Variants in ZPBP2 observed in about 807,000 individuals in gnomAD.
The protein encoded by ZPBP2 is zona pellucida binding protein 2.
Under a neutral mutation model 37.5 loss-of-function variants are expected in ZPBP2, and 34 were observed. The ratio of observed to expected loss-of-function variants is 0.91; its 90% CI spans 0.69 to 1.21. The LOEUF is 1.21. ZPBP2 is among the 50% of genes most tolerant of loss of function. ZPBP2 has a pLI of 0.00. For synonymous variants in ZPBP2, 143 were observed against 138.4 expected, an observed-to-expected ratio of 1.03 and a Z score of -0.23; for missense variants, 397 against 413.5, an observed-to-expected ratio of 0.96 and a Z score of 0.35.
At chr17:39,873,263 C>T in intron 6 of ZPBP2, 137 bp downstream of exon 6, 2 of 581,444 alleles carry the variant, frequency 3.4e-6, no homozygotes, top group Non-Finnish European at 5.6e-6. Flanking sequence ...ATCTTCCTCC[C>T]TCAGCCAAGG....
Position 39,875,235 on chromosome 17 carries a change from T to C in ZPBP2, c.709-19T>C, listed in dbSNP as rs1201884559. On this transcript the variant is annotated intron_variant, in intron 6 of 7. Transcript: ENST00000348931. ...ATGGTTTAGTAATTGTACCTTTCTC[T>C]GGTATTTTTCAACCTTAGGCAAGAG... is the stretch of plus-strand genomic sequence containing the variant. The C allele has an allele frequency of 1.2e-6, 2 of 1,602,008 alleles. No individual in the cohort carries two copies. Among genetic ancestry groups the C allele is most frequent in the Admixed American group, 1.7e-5 (1 of 57,656 alleles).
At chr17:39,875,565 TA>T (rs2144646487) in intron 7 of ZPBP2, 131 bp downstream of exon 7, 1 of 721,298 alleles carries the variant, frequency 1.4e-6, no homozygotes, top group Admixed American at 4.1e-5. Context: ...TATATTTAGC[TA>T]AAAGGAAGTA....
intron 7 of ZPBP2, among the ~76,000 whole-genome samples, chr17:39,875,824 C>T (rs973594210): frequency 2.0e-5 from 3 of 149,826 alleles, no homozygotes; most frequent in Non-Finnish European, 4.4e-5. Context: ...TCAAAGGATC[C>T]GTCTGCCTTG....
chr17:39,876,748 T>C lies in ZPBP2; in HGVS notation c.956T>C (p.Leu319Pro). ...NVTCQTCVSV[L>P]TYGAKSCPQT... ...ACTTGTCAGACCTGCGTTTCCGTCCTTACCTATGGAGCTAAATCTTGCCCA... is the reference window on the plus strand; with the variant it reads ...ACTTGTCAGACCTGCGTTTCCGTCCCTACCTATGGAGCTAAATCTTGCCCA... Residue 319 changes from leucine (L) to proline (P), a missense_variant, in exon 8 of 8, where the codon CTT becomes CCT. Transcript: ENST00000348931. The C allele has an allele frequency of 6.2e-7, 1 of 1,613,982 alleles. No individual in the cohort carries two copies. Among genetic ancestry groups the C allele is most frequent in the Non-Finnish European group, 8.5e-7 (1 of 1,179,934 alleles).
At position 39,876,786 on chromosome 17, in the gene ZPBP2, A is replaced by G; in HGVS notation, c.994A>G (p.Lys332Glu). 1 of 1,613,880 alleles carries G rather than the reference A, an allele frequency of 6.2e-7. No individual in the cohort carries two copies. Among genetic ancestry groups the G allele is most frequent in the Non-Finnish European group, 8.5e-7 (1 of 1,179,830 alleles). Residue 332 changes from lysine to glutamate, a missense_variant, in exon 8 of 8, where the codon AAA becomes GAA. By Grantham distance (56) the Lys-to-Glu change is moderately conservative (BLOSUM62 1). Transcript: ENST00000348931. ...GAKSCPQTSNKNQQYED is the reference protein window; with the variant it reads ...GAKSCPQTSNENQQYED ...TAAATCTTGCCCACAAACTTCAAAC[A>G]AAAATCAGCAATATGAAGATTAGAG...
chr17:39,869,084 C>T (rs1311749959), intron 2 of ZPBP2, among the ~76,000 whole-genome samples: 1 of 152,132 alleles, frequency 6.6e-6, no homozygotes, highest in Non-Finnish European at 1.5e-5. Context: ...TAAATTGAGC[C>T]AGTTGATAGA....
rs751687343 is a variant in ZPBP2, at chr17:39,871,466, A to G, written c.247A>G (p.Asn83Asp). Residue 83 changes from asparagine to aspartate, a missense_variant and splice_region_variant, in exon 4 of 8, where the codon AAT becomes GAT. By Grantham distance (23) the Asn-to-Asp change is conservative. Transcript: ENST00000348931. Reference sequence around the variant, plus strand: ...AAGTAATTTACTATTCTGTTTAGGAAATAATAGAATAAATATAACTGAAAC... The same window carrying G: ...AAGTAATTTACTATTCTGTTTAGGAGATAATAGAATAAATATAACTGAAAC... Reference protein sequence around the residue: ...IGPNEKTLTGNNRINITETGQ... With the variant: ...IGPNEKTLTGDNRINITETGQ... The G allele has an allele frequency of 1.3e-5, 21 of 1,571,946 alleles. No homozygotes were observed. Among genetic ancestry groups the G allele is most frequent in the Middle Eastern group, 1.9e-4 (1 of 5,404 alleles).
intron 7 of ZPBP2, among the ~76,000 whole-genome samples, chr17:39,876,188 G>A (rs1007486405): frequency 1.3e-5 from 2 of 152,016 alleles, no homozygotes; most frequent in Non-Finnish European, 1.5e-5. Context: ...CAAAGTGCTG[G>A]GATTACAGGC....
intron 6 of ZPBP2, among the ~76,000 whole-genome samples, chr17:39,873,771 C>T (rs1271542489): frequency 6.6e-6 from 1 of 152,038 alleles, no homozygotes; most frequent in Non-Finnish European, 1.5e-5. Context: ...ATTGGTCATA[C>T]TAGTTGCTCT....
chr17:39,870,785 C>G lies in ZPBP2; in HGVS notation c.210C>G (p.Tyr70Ter), dbSNP rs377739058. The change falls in exon 3 of 8, where the codon TAC (tyrosine) becomes TAG (stop). Residue 70 changes from tyrosine (Y) to a stop codon, truncating the protein, a stop_gained. Coordinates refer to ENST00000348931, the MANE Select transcript of ZPBP2 (RefSeq NM_199321.3). LOFTEE classifies it high-confidence loss of function. ...LSKKEIVDPTYLWIGPNEKTL... is the reference protein window; with the variant it reads ...LSKKEIVDPT ...AAAAAGAAATAGTGGACCCCACCTA[C>G]TTATGGATTGGGCCTAATGAAAAGA... The G allele has an allele frequency of 3.2e-6, 5 of 1,565,488 alleles. No individual in the cohort carries two copies. The highest frequency in any genetic ancestry group is 4.4e-6 in the Non-Finnish European group (5 of 1,148,984).
rs558196025 is a variant in ZPBP2 at position 39,871,453 on chromosome 17, A to G, written c.245-11A>G. On this transcript the variant is annotated splice_polypyrimidine_tract_variant and intron_variant, in intron 3 of 7. Coordinates refer to ENST00000348931, the MANE Select transcript of ZPBP2 (RefSeq NM_199321.3). Reference sequence around the variant, plus strand: ...TTATATGTTAAATAAGTAATTTACTATTCTGTTTAGGAAATAATAGAATAA... The same window carrying G: ...TTATATGTTAAATAAGTAATTTACTGTTCTGTTTAGGAAATAATAGAATAA... 7 of 1,540,256 alleles carry G rather than the reference A, an allele frequency of 4.5e-6. No individual in the cohort carries two copies. Among genetic ancestry groups the G allele is most frequent in the East Asian group, 2.3e-5 (1 of 43,776 alleles).
At chr17:39,872,763 A>G (rs931111978) in intron 5 of ZPBP2, among the ~76,000 whole-genome samples, 1 of 152,218 alleles carries the variant, frequency 6.6e-6, no homozygotes, top group Non-Finnish European at 1.5e-5. Flanking sequence ...TTCTTACAGA[A>G]TTTTAAATTG....
intron 2 of ZPBP2, among the ~76,000 whole-genome samples, chr17:39,870,309 C>T (rs1266957428): frequency 3.3e-5 from 5 of 152,164 alleles, no homozygotes; most frequent in African/African-American, 9.7e-5. Flanking sequence ...TTCCAAAATG[C>T]TGGGATTACA....
intron 1 of ZPBP2, 28 bp from the exon 2 acceptor site, chr17:39,868,521 A>G (rs1228062282): frequency 2.0e-5 from 33 of 1,613,892 alleles, no homozygotes; most frequent in Non-Finnish European, 2.6e-5. Flanking sequence ...TCTTCTAACT[A>G]AAAGTCAGTG....
intron 6 of ZPBP2, among the ~76,000 whole-genome samples, chr17:39,874,626 T>A (rs1307763590): frequency 6.6e-6 from 1 of 151,864 alleles, no homozygotes. Flanking sequence ...AGAGACGAGG[T>A]TTCACCATGT....
At position 39,873,034 on chromosome 17, in the gene ZPBP2, T is replaced by C. The variant is rs758907163; in HGVS notation, c.626-10T>C. ...TCCCTTTGTGAGTCTATCATTTTTTTTCTCTTCAGTTAATCCTTTTGCGCC... is the reference window on the plus strand; with the variant it reads ...TCCCTTTGTGAGTCTATCATTTTTTCTCTCTTCAGTTAATCCTTTTGCGCC... On this transcript the variant is annotated splice_polypyrimidine_tract_variant and intron_variant, in intron 5 of 7. Coordinates refer to ENST00000348931, the MANE Select transcript of ZPBP2 (RefSeq NM_199321.3). 8.1e-6 allele frequency: 13 copies of C among 1,610,286 alleles called. No homozygotes were observed. The South Asian group carries it at 1.3e-4, about 16-fold the overall frequency.
rs2063383985 is a variant in ZPBP2 at position 39,875,273 on chromosome 17, A to T, written c.728A>T (p.Asp243Val). 6.2e-7 allele frequency: 1 copy of T among 1,611,022 alleles called. No homozygotes were observed. Among genetic ancestry groups the T allele is most frequent in the African/African-American group, 1.3e-5 (1 of 74,672 alleles). ...NILQARDRIE[D>V]FFRSQAYIFY... Reference sequence around the variant, plus strand: ...CCTTAGGCAAGAGATCGAATAGAAGACTTTTTTCGGAGCCAAGCATATATT... The same window carrying T: ...CCTTAGGCAAGAGATCGAATAGAAGTCTTTTTTCGGAGCCAAGCATATATT... Residue 243 changes from aspartate (D) to valine (V), a missense_variant, in exon 7 of 8, where the codon GAC becomes GTC. Physicochemically the swap from Asp to Val is radical, Grantham distance 152. Coordinates refer to ENST00000348931, the MANE Select transcript of ZPBP2 (RefSeq NM_199321.3).
rs2144646296 is a variant in ZPBP2 at position 39,875,434 on chromosome 17, G to A, written c.889G>A (p.Val297Met). 1 of 1,585,678 alleles carries A rather than the reference G, an allele frequency of 6.3e-7. No individual in the cohort carries two copies. Among genetic ancestry groups the A allele is most frequent in the East Asian group, 2.2e-5 (1 of 44,604 alleles). Residue 297 changes from valine to methionine, a missense_variant and splice_region_variant, in exon 7 of 8, where the codon GTG becomes ATG. Val to Met is a conservative substitution (Grantham distance 21). Coordinates refer to ENST00000348931, the MANE Select transcript of ZPBP2 (RefSeq NM_199321.3). ...RLHSNCASCC[V>M]VCSPATFSPD... ...ACACAGTAATTGCGCTAGCTGTTGTGGTAACTATAAAATATAAATATCTAA... is the reference window on the plus strand; with the variant it reads ...ACACAGTAATTGCGCTAGCTGTTGTAGTAACTATAAAATATAAATATCTAA...
chr17:39,874,363 C>T (rs533500320), intron 6 of ZPBP2, among the ~76,000 whole-genome samples: 108 of 151,954 alleles, frequency 7.1e-4, no homozygotes, highest in African/African-American at 2.5e-3. Flanking sequence ...ATATAATGAA[C>T]GCCCAATTAT....
Sources: gnomAD v4.1 joint callset for allele counts (sites outside exome capture counted in the v4.1 genomes callset) on GRCh38, gnomAD v4.1.1 for gene constraint, MANE v1.5 for transcripts, NCBI Gene and HGNC (gene_info 2026-07-23, HGNC 2026-07-21) for gene names.